Variants in GNB5 observed in about 807,000 individuals in gnomAD.
GNB5 encodes guanine nucleotide-binding protein subunit beta-5.
In GNB5, 37 loss-of-function variants were observed where a neutral mutation model predicts 55.3. That is an observed-to-expected ratio of 0.67 (90% CI 0.51 to 0.88). The LOEUF (loss-of-function observed/expected upper bound fraction) is 0.88, where lower values mean the gene tolerates loss of function less well. GNB5 is among the 40% of genes least tolerant of loss of function. The pLI is 0.00. For missense variants in GNB5, 476 were observed against 515.3 expected (o/e 0.92, Z 0.74); for synonymous variants, 219 against 198.5 (o/e 1.10, Z -0.87).
intron 6 of GNB5, among the ~76,000 whole-genome samples, chr15:52,142,924 G>C (rs1566938026): frequency 6.6e-6 from 1 of 152,116 alleles, no homozygotes; most frequent in Non-Finnish European, 1.5e-5. Context: ...GGAGGCCCAG[G>C]CAGGCCAATC....
In GNB5 at chr15:52,141,126, G is replaced by A. The variant is rs984684666; in HGVS notation, c.627+14C>T. 1.2e-5 allele frequency: 19 copies of A among 1,613,692 alleles called. No homozygotes were observed. Among genetic ancestry groups the A allele is most frequent in the Non-Finnish European group, 1.6e-5 (19 of 1,179,634 alleles). ...CTTGGCAGGTCAACCTGACACCGGG[G>A]GCTGCCTATTTACCTGCATGTCAGA... On this transcript the variant is annotated intron_variant, in intron 7 of 12. Transcript: ENST00000261837.
At chr15:52,164,455 GA>G (rs1033290905) in intron 3 of GNB5, among the ~76,000 whole-genome samples, 10 of 151,304 alleles carry the variant, frequency 6.6e-5, no homozygotes, top group African/African-American at 2.4e-5. Context: ...CGTCTCTACT[GA>G]AAACATAAAA....
intron 3 of GNB5, among the ~76,000 whole-genome samples, chr15:52,173,371 A>T (rs1294633578): frequency 2.0e-5 from 3 of 152,232 alleles, no homozygotes. Context: ...CACCGTGCCC[A>T]GCACATTTAC....
chr15:52,145,473 C>G (rs1419965010), intron 6 of GNB5, among the ~76,000 whole-genome samples: 1 of 145,898 alleles, frequency 6.9e-6, no homozygotes, highest in Admixed American at 7.4e-5. Context: ...AACCCCATCT[C>G]TGCAAAAAAA....
chr15:52,158,089 T>C (rs1314414243), intron 3 of GNB5, among the ~76,000 whole-genome samples: 3 of 152,042 alleles, frequency 2.0e-5, no homozygotes, highest in African/African-American at 7.2e-5. Flanking sequence ...AATGGTAACC[T>C]GTTAAGAAAT....
At chr15:52,161,589 C>T (rs1292824153) in intron 3 of GNB5, among the ~76,000 whole-genome samples, 3 of 152,244 alleles carry the variant, frequency 2.0e-5, no homozygotes, top group East Asian at 3.8e-4. Context: ...GTGTGAGCCA[C>T]CGTGCCCAGC....
At chr15:52,135,590 G>A in intron 8 of GNB5, 23 bp downstream of exon 8, 2 of 1,609,096 alleles carry the variant, frequency 1.2e-6, no homozygotes, top group Non-Finnish European at 1.7e-6. Context: ...AGGAGCCCTA[G>A]GGAATTTCCA....
chr15:52,138,359 G>A (rs1446958660), intron 7 of GNB5: 2 of 150,940 alleles, frequency 1.3e-5, no homozygotes, highest in Non-Finnish European at 2.9e-5. Context: ...CTCCAGCCTG[G>A]GCAACAGAGT....
At chr15:52,160,132 G>T (rs187991220) in intron 3 of GNB5, among the ~76,000 whole-genome samples, 1 of 152,208 alleles carries the variant, frequency 6.6e-6, no homozygotes, top group East Asian at 1.9e-4. Flanking sequence ...ATTTTTAGTA[G>T]AGATGGGGTT....
chr15:52,148,322 A>G (rs941972348), intron 5 of GNB5, among the ~76,000 whole-genome samples: 1 of 152,202 alleles, frequency 6.6e-6, no homozygotes, highest in South Asian at 2.1e-4. Context: ...GAAGGTATGA[A>G]TGGGTCAGGG....
chr15:52,151,932 G>C (rs925370436), intron 4 of GNB5, among the ~76,000 whole-genome samples: 2 of 151,814 alleles, frequency 1.3e-5, no homozygotes, highest in African/African-American at 2.4e-5. Context: ...ACTCCAGCCT[G>C]GGTAACAGAG....
At chr15:52,181,774 A>G (rs1158743871) in intron 2 of GNB5, among the ~76,000 whole-genome samples, 1 of 152,162 alleles carries the variant, frequency 6.6e-6, no homozygotes. Flanking sequence ...GTTCCTTAGT[A>G]TTTAGATATT....
chr15:52,146,773 T>TAA (rs1258307351), intron 6 of GNB5, among the ~76,000 whole-genome samples: 2 of 144,908 alleles, frequency 1.4e-5, no homozygotes, highest in African/African-American at 5.1e-5. Flanking sequence ...AGAGACAAGG[T>TAA]ATTATTATCA....
intron 3 of GNB5, among the ~76,000 whole-genome samples, chr15:52,166,349 A>T (rs1248921832): frequency 1.3e-5 from 2 of 152,232 alleles, no homozygotes; most frequent in Non-Finnish European, 2.9e-5. Flanking sequence ...GACCTGACAG[A>T]TATCTACAGA....
rs770352975 is a variant in GNB5 at position 52,135,761 on chromosome 15, C to T, written c.628-5G>A. On this transcript the variant is annotated splice_polypyrimidine_tract_variant and splice_region_variant and intron_variant, in intron 7 of 12. Coordinates refer to ENST00000261837, the MANE Select transcript of GNB5 (RefSeq NM_016194.4). ...ATCGCCGCTCGCTGTCAGGATCTGCCCGCAGAAAAGGACAGGAAGTGGGTG... is the reference window on the plus strand; with the variant it reads ...ATCGCCGCTCGCTGTCAGGATCTGCTCGCAGAAAAGGACAGGAAGTGGGTG... The T allele has an allele frequency of 1.2e-6, 2 of 1,611,672 alleles. No homozygotes were observed. Among genetic ancestry groups the T allele is most frequent in the Non-Finnish European group, 1.7e-6 (2 of 1,179,708 alleles).
intron 8 of GNB5, 39 bp downstream of exon 8, chr15:52,135,574 G>A: frequency 1.3e-6 from 2 of 1,584,774 alleles, no homozygotes; most frequent in Non-Finnish European, 1.7e-6. Context: ...CCTCCTTAGT[G>A]GACACAGGAG....
intron 3 of GNB5, among the ~76,000 whole-genome samples, chr15:52,169,559 AAAAAG>A (rs1566947316): frequency 6.9e-6 from 1 of 145,934 alleles, no homozygotes; most frequent in African/African-American, 2.7e-5. Context: ...AAAAAAAAAA[AAAAAG>A]AAAAGAAGAG....
chr15:52,188,312 T>A (rs893922252), intron 1 of GNB5, among the ~76,000 whole-genome samples: 1 of 152,226 alleles, frequency 6.6e-6, no homozygotes, highest in Non-Finnish European at 1.5e-5. Context: ...TAAAGCATTT[T>A]TAAACTGTAA....
chr15:52,147,192 T>G, intron 6 of GNB5: 1 of 256,208 alleles, frequency 3.9e-6, no homozygotes, highest in Non-Finnish European at 7.4e-6. Context: ...TTTAAAGAGA[T>G]GGGGTCTTGC....
Sources: allele counts gnomAD v4.1 joint callset (sites outside exome capture counted in the v4.1 genomes callset), GRCh38; gene constraint gnomAD v4.1.1; transcripts MANE v1.5; gene names NCBI Gene and HGNC (gene_info 2026-07-23, HGNC 2026-07-21).